Variants in SORL1 observed in about 807,000 individuals in gnomAD.
SORL1 encodes sortilin-related receptor.
Under a neutral mutation model 273.7 loss-of-function variants are expected in SORL1, and 127 were observed. The observed-to-expected ratio is 0.46, with a 90% CI of 0.40 to 0.54. The LOEUF (loss-of-function observed/expected upper bound fraction) is 0.54. Among genes scored for constraint, SORL1 ranks in the 20% least tolerant of loss-of-function variants. SORL1 has a pLI of 0.00. For synonymous variants in SORL1, 1,031 were observed against 1,067.4 expected (o/e 0.97, Z 0.66); for missense variants, 2,494 against 2,846.1 (o/e 0.88, Z 2.81).
chr11:121,509,526 G>A (rs1453968621), intron 6 of SORL1, among the ~76,000 whole-genome samples: 1 of 152,122 alleles, frequency 6.6e-6, no homozygotes, highest in Non-Finnish European at 1.5e-5. Flanking sequence ...TGCCAGGCTG[G>A]AGTGCAGCGG....
At chr11:121,597,710 T>C (rs900087393) in intron 32 of SORL1, among the ~76,000 whole-genome samples, 1 of 152,224 alleles carries the variant, frequency 6.6e-6, no homozygotes, top group African/African-American at 2.4e-5. Context: ...TCTGCCCACC[T>C]TGGCCTCCCA....
intron 25 of SORL1, among the ~76,000 whole-genome samples, chr11:121,579,656 G>A (rs769162050): frequency 6.6e-6 from 1 of 152,072 alleles, no homozygotes; most frequent in Non-Finnish European, 1.5e-5. Context: ...TCTGCCTACA[G>A]TTCCAGTACT....
intron 18 of SORL1, among the ~76,000 whole-genome samples, chr11:121,555,779 C>A (rs902556279): frequency 6.6e-6 from 1 of 152,090 alleles, no homozygotes; most frequent in South Asian, 2.1e-4. Flanking sequence ...TGTTATTAAT[C>A]CCCATTTCTC....
chr11:121,479,311 C>T (rs1414136319), intron 3 of SORL1, among the ~76,000 whole-genome samples: 1 of 152,054 alleles, frequency 6.6e-6, no homozygotes, highest in Non-Finnish European at 1.5e-5. Flanking sequence ...GCTTTCTTCC[C>T]CACTCTTGTG....
intron 31 of SORL1, among the ~76,000 whole-genome samples, chr11:121,591,530 G>C (rs1863214522): frequency 6.6e-6 from 1 of 152,152 alleles, no homozygotes; most frequent in Non-Finnish European, 1.5e-5. Context: ...TTAAACTCTG[G>C]GGAGAGAGCC....
intron 23 of SORL1, among the ~76,000 whole-genome samples, chr11:121,573,817 G>A (rs1198921072): frequency 2.6e-5 from 4 of 152,144 alleles, no homozygotes; most frequent in African/African-American, 4.8e-5. Context: ...CTACCTCCAT[G>A]CTGCCTTTAC....
At position 121,555,767 on chromosome 11, in the gene SORL1, A is replaced by G. The variant is rs148962585; in HGVS notation, c.2571+449A>G. On this transcript the variant is annotated intron_variant, in intron 18 of 47. Transcript: ENST00000260197. ...TATCATCATCATCATCATCATTGCCACTGTTATTAATCCCCATTTCTCTGC... is the reference window on the plus strand; with the variant it reads ...TATCATCATCATCATCATCATTGCCGCTGTTATTAATCCCCATTTCTCTGC... 7.3e-4 allele frequency among the ~76,000 whole-genome samples: 111 copies of G among 152,202 alleles called. 2 individuals are homozygous for G. The highest frequency in any genetic ancestry group is 2.6e-3 in the African/African-American group (108 of 41,494).
chr11:121,583,902 A>G (rs970308476), intron 26 of SORL1, among the ~76,000 whole-genome samples: 3 of 152,190 alleles, frequency 2.0e-5, no homozygotes, highest in African/African-American at 4.8e-5. Flanking sequence ...CAAACATTCC[A>G]AGTTTTCAGG....
intron 1 of SORL1, among the ~76,000 whole-genome samples, chr11:121,467,944 AAGAG>A (rs1861109325): frequency 6.6e-6 from 1 of 152,216 alleles, no homozygotes; most frequent in Non-Finnish European, 1.5e-5. Context: ...GTTTTTCAAA[AAGAG>A]TTTGATCCTG....
chr11:121,491,346 T>A (rs1246675294), intron 5 of SORL1, among the ~76,000 whole-genome samples: 2 of 152,204 alleles, frequency 1.3e-5, no homozygotes, highest in Non-Finnish European at 2.9e-5. Context: ...TTATCGTAAT[T>A]TACTATTACA....
At chr11:121,455,008 T>G (rs139932853) in intron 1 of SORL1, among the ~76,000 whole-genome samples, 106 of 152,330 alleles carry the variant, frequency 7.0e-4, no homozygotes, top group African/African-American at 2.5e-3. Flanking sequence ...CAAGTTCCAC[T>G]TTGTAATCAC....
rs771758309 is a variant in SORL1, at chr11:121,593,122, A to G, written c.4369+1966A>G. ...GATGAATGCTCATGTCCTCCCCAGT[A>G]TTGGAGCCCTCTGATGCCTCCCTTA... On this transcript the variant is annotated intron_variant, in intron 31 of 47. Coordinates refer to ENST00000260197, the MANE Select transcript of SORL1 (RefSeq NM_003105.6). Among the ~76,000 whole-genome samples the G allele has an allele frequency of 5.9e-5, 9 of 152,128 alleles. 1 individual carries two copies.
chr11:121,625,782 TG>T (rs1323396203), intron 46 of SORL1, among the ~76,000 whole-genome samples: 1 of 152,184 alleles, frequency 6.6e-6, no homozygotes, highest in East Asian at 1.9e-4. Flanking sequence ...TGTCTTATGC[TG>T]GGCCATGCTA....
intron 1 of SORL1, among the ~76,000 whole-genome samples, chr11:121,454,860 A>G (rs934276295): frequency 2.0e-5 from 3 of 152,156 alleles, no homozygotes; most frequent in African/African-American, 7.2e-5. Flanking sequence ...TCTAGCAAGG[A>G]TGACCATTGC....
chr11:121,603,075 C>A (rs1863419166), intron 32 of SORL1, among the ~76,000 whole-genome samples: 1 of 152,248 alleles, frequency 6.6e-6, no homozygotes, highest in Non-Finnish European at 1.5e-5. Flanking sequence ...GGACCCATGT[C>A]ATTAGACAGA....
chr11:121,538,713 C>G (rs1289577441), intron 12 of SORL1, among the ~76,000 whole-genome samples: 4 of 152,126 alleles, frequency 2.6e-5, no homozygotes, highest in African/African-American at 2.4e-5. Flanking sequence ...GAGTCTCACT[C>G]TGTCGCTTAG....
chr11:121,464,452 A>T (rs990787881), intron 1 of SORL1, among the ~76,000 whole-genome samples: 1 of 152,236 alleles, frequency 6.6e-6, no homozygotes, highest in African/African-American at 2.4e-5. Flanking sequence ...CTCAGTGCCT[A>T]CTTCATCCGC....
chr11:121,590,050 A>G lies in SORL1; in HGVS notation c.4089A>G (p.Thr1363=). ...GGTTGATCTCTGCAGAAAACCCCAC[A>G]GAAGCCCCAAACTGCTCCCGCTACT... is the stretch of plus-strand genomic sequence containing the variant. ...YSDEANCENP[T]EAPNCSRYFQ... Residue 1363 remains threonine (T), a synonymous_variant, in exon 30 of 48, where the codon ACA becomes ACG. Transcript: ENST00000260197. The G allele has an allele frequency of 6.2e-7, 1 of 1,614,142 alleles. No individual in the cohort carries two copies. Among genetic ancestry groups the G allele is most frequent in the Non-Finnish European group, 8.5e-7 (1 of 1,179,992 alleles).
At chr11:121,604,111 C>T in intron 32 of SORL1, 82 bp from the exon 33 acceptor site, 1 of 1,549,184 alleles carries the variant, frequency 6.5e-7, no homozygotes, top group South Asian at 1.2e-5. Context: ...AGTACTTTGC[C>T]TAAATGGGAA....
Sources: allele counts gnomAD v4.1 joint callset (sites outside exome capture counted in the v4.1 genomes callset), GRCh38; gene constraint gnomAD v4.1.1; transcripts MANE v1.5; gene names NCBI Gene and HGNC (gene_info 2026-07-23, HGNC 2026-07-21).